Variants in GTPBP10 observed in about 807,000 individuals in gnomAD.
GTPBP10 encodes GTP binding protein 10, also known as GTP-binding protein 10.
A neutral mutation model predicts 44.8 loss-of-function variants in GTPBP10; 38 were observed. The ratio of observed to expected loss-of-function variants is 0.85; its 90% CI spans 0.65 to 1.11. The LOEUF is 1.11. Ranked by LOEUF, GTPBP10 falls within the 50% of genes most tolerant of loss-of-function variation. The probability of loss-of-function intolerance (pLI) is 0.00; values close to 1 mark genes in which losing one functional copy is unlikely to be tolerated. For synonymous variants in GTPBP10, 152 were observed against 150.6 expected (o/e 1.01, Z -0.07); for missense variants, 462 against 453.7 (o/e 1.02, Z -0.17).
At chr7:90,379,115 T>C (rs948658898) in intron 8 of GTPBP10, among the ~76,000 whole-genome samples, 5 of 152,190 alleles carry the variant, frequency 3.3e-5, no homozygotes, top group Admixed American at 3.3e-4. Context: ...TTTTCGGCCA[T>C]CCCCATAACT....
At chr7:90,358,055 C>T (rs943518117) in intron 4 of GTPBP10, among the ~76,000 whole-genome samples, 1 of 152,122 alleles carries the variant, frequency 6.6e-6, no homozygotes, top group Non-Finnish European at 1.5e-5. Flanking sequence ...CTTCAAAAGA[C>T]TCCTAGATTT....
In GTPBP10 at chr7:90,354,555, T is replaced by C. The variant is rs1486758529; in HGVS notation, c.319+6T>C. On this transcript the variant is annotated splice_donor_region_variant and intron_variant, in intron 3 of 9. Transcript: ENST00000222511. ...TGAAAATGGTAAAATTATAGGTGAG[T>C]GTACTATAACTCCAAAAGTTGTAAA... 2.1e-6 allele frequency: 3 copies of C among 1,462,094 alleles called. No individual in the cohort carries two copies. Among genetic ancestry groups the C allele is most frequent in the African/African-American group, 1.4e-5 (1 of 70,148 alleles). 90.6% of individuals were successfully genotyped at this position (1,462,094 alleles called of 1,614,324 possible). A position where few individuals can be genotyped will look rare whatever the true frequency, so the allele number is the denominator to read the frequency against.
chr7:90,352,193 G>A (rs1234137429), intron 1 of GTPBP10, among the ~76,000 whole-genome samples: 1 of 152,238 alleles, frequency 6.6e-6, no homozygotes, highest in African/African-American at 2.4e-5. Context: ...TTTGGGAAAA[G>A]AAGCAGGTGT....
Position 90,355,353 on chromosome 7 carries a change from A to G in GTPBP10, c.464+123A>G, listed in dbSNP as rs17866942. The stretch of plus-strand genomic sequence containing the variant: ...AATTTATGGAATTTGTGTGTTGTGT[A>G]TGTACTTGGAAAATATGCTGCTAAA... On this transcript the variant is annotated intron_variant, in intron 4 of 9. Coordinates refer to ENST00000222511, the MANE Select transcript of GTPBP10 (RefSeq NM_033107.4). The G allele has an allele frequency of 5.5e-3, 3,296 of 602,126 alleles. 73 individuals are homozygous for G. The highest frequency in any genetic ancestry group is 0.052 in the African/African-American group (2,723 of 52,522). 37.3% of individuals were successfully genotyped at this position (602,126 alleles called of 1,614,324 possible).
rs778468763 is a variant in GTPBP10, at chr7:90,352,959, A to C, written c.177A>C (p.Lys59Asn). Residue 59 changes from lysine (K) to asparagine (N), a missense_variant, in exon 2 of 10, where the codon AAA becomes AAC. Physicochemically the swap from Lys to Asn is moderately conservative, Grantham distance 94 (BLOSUM62 0). Coordinates refer to ENST00000222511, the MANE Select transcript of GTPBP10 (RefSeq NM_033107.4). ...AQNRMTLKQL[K>N]DRYPRKRFVA... ...ACAGAATGACTTTAAAACAACTTAA[A>C]GACAGGTATCCTCGGAAACGGTTTG... 2 of 1,613,330 alleles carry C rather than the reference A, an allele frequency of 1.2e-6. No homozygotes were observed. Among genetic ancestry groups the C allele is most frequent in the Non-Finnish European group, 1.7e-6 (2 of 1,179,558 alleles).
intron 1 of GTPBP10, chr7:90,347,661 G>A (rs1795704552): frequency 5.9e-6 from 1 of 170,682 alleles, no homozygotes; most frequent in African/African-American, 2.4e-5. Context: ...TTTAGTGAAG[G>A]AAACAGGTAA....
intron 8 of GTPBP10, 155 bp downstream of exon 8, chr7:90,378,366 A>G (rs1020008149): frequency 1.5e-6 from 1 of 649,438 alleles, no homozygotes; most frequent in Non-Finnish European, 1.9e-6. Flanking sequence ...CATTTCCTCT[A>G]CATTCATTTG....
At chr7:90,377,659 C>T (rs1796363859) in intron 7 of GTPBP10, 45 bp downstream of exon 7, 2 of 1,280,406 alleles carry the variant, frequency 1.6e-6, no homozygotes, top group Admixed American at 2.2e-5. Context: ...AAATTGAAAA[C>T]CAGTGAATTT....
At chr7:90,377,778 A>G (rs1409473982) in intron 7 of GTPBP10, among the ~76,000 whole-genome samples, 164 bp downstream of exon 7, 3 of 152,156 alleles carry the variant, frequency 2.0e-5, no homozygotes, top group African/African-American at 7.2e-5. Context: ...ATCATATGTA[A>G]GTTTGGCCAT....
At position 90,391,338 on chromosome 7, in the gene GTPBP10, T is replaced by C. The variant is rs1044135638; in HGVS notation, c.*6184T>C. ...ATAGTACCAAACCCTATATATATTA[T>C]GTTTTTTTCTATATATACACAGCTA... On this transcript the variant is annotated 3_prime_UTR_variant, in exon 10 of 10. Coordinates refer to ENST00000222511, the MANE Select transcript of GTPBP10 (RefSeq NM_033107.4). 1 of 152,140 alleles carries C rather than the reference T, an allele frequency of 6.6e-6. No homozygotes were observed. Among genetic ancestry groups the C allele is most frequent in the African/African-American group, 2.4e-5 (1 of 41,428 alleles). The allele number at this position is 152,140 out of a possible 1,614,324, so 9.4% of individuals were successfully genotyped here.
rs1795964936 is a variant in GTPBP10, at chr7:90,359,193, C to T, written c.464+3963C>T. ...GCTTTAAGTTCTAGGGTATGCACAA[C>T]ATGCAGCTTTCTTACATAGGTATAC... On this transcript the variant is annotated intron_variant, in intron 4 of 9. Transcript: ENST00000222511. Among the ~76,000 whole-genome samples, 3 of 151,810 alleles carry T rather than the reference C, an allele frequency of 2.0e-5. No homozygotes were observed. In the South Asian group the frequency reaches 6.3e-4, roughly 32 times the overall value.
In GTPBP10 at chr7:90,382,984, A is replaced by G; in HGVS notation, c.806A>G (p.Gln269Arg). Residue 269 changes from glutamine to arginine, a missense_variant, in exon 9 of 10, where the codon CAG becomes CGG. Physicochemically the swap from Gln to Arg is conservative, Grantham distance 43. Transcript: ENST00000222511. ...TTGGAATTGTACAAAGAGGAACTTC[A>G]GACAAAACCTGCACTCTTGGCAGTT... ...KELELYKEEL[Q>R]TKPALLAVNK... The G allele has an allele frequency of 6.3e-7, 1 of 1,584,236 alleles. No homozygotes were observed. Among genetic ancestry groups the G allele is most frequent in the Non-Finnish European group, 8.6e-7 (1 of 1,161,204 alleles).
intron 6 of GTPBP10, among the ~76,000 whole-genome samples, chr7:90,377,045 G>A (rs368593310): frequency 5.9e-5 from 9 of 152,238 alleles, no homozygotes; most frequent in Non-Finnish European, 1.2e-4. Flanking sequence ...GCAAGATAGC[G>A]AGACCCTGTC....
At chr7:90,362,019 C>G (rs1389498203) in intron 4 of GTPBP10, among the ~76,000 whole-genome samples, 1 of 152,128 alleles carries the variant, frequency 6.6e-6, no homozygotes, top group Non-Finnish European at 1.5e-5. Context: ...ATTCTTCTCT[C>G]TTTTCCTCTT....
At chr7:90,370,654 A>T (rs1156546101) in intron 4 of GTPBP10, among the ~76,000 whole-genome samples, 1 of 152,156 alleles carries the variant, frequency 6.6e-6, no homozygotes, top group East Asian at 1.9e-4. Flanking sequence ...CAATGTATCC[A>T]TGTAACAACA....
chr7:90,350,679 A>G (rs1795774715), intron 1 of GTPBP10, among the ~76,000 whole-genome samples: 1 of 152,246 alleles, frequency 6.6e-6, no homozygotes, highest in Non-Finnish European at 1.5e-5. Context: ...AATACAAGAT[A>G]AAAAGTTAAT....
At chr7:90,383,364 A>C (rs974525974) in intron 9 of GTPBP10, among the ~76,000 whole-genome samples, 5 of 152,216 alleles carry the variant, frequency 3.3e-5, no homozygotes, top group African/African-American at 1.2e-4. Context: ...CATATGTGGG[A>C]TTTGAATAAA....
Position 90,346,721 on chromosome 7 carries a change from G to A in GTPBP10, c.-21G>A, listed in dbSNP as rs771950824. 1.9e-6 allele frequency: 3 copies of A among 1,614,118 alleles called. No individual in the cohort carries two copies. Among genetic ancestry groups the A allele is most frequent in the East Asian group, 4.5e-5 (2 of 44,898 alleles). On this transcript the variant is annotated 5_prime_UTR_variant, in exon 1 of 10. Transcript: ENST00000222511. Reference sequence around the variant, plus strand: ...CGGCTTGTGCCGCTTCCGCAAGAAGGTTTCCTGGCCTGTTGCAGCCATGGT... The same window carrying A: ...CGGCTTGTGCCGCTTCCGCAAGAAGATTTCCTGGCCTGTTGCAGCCATGGT...
At chr7:90,357,885 G>C (rs1795936425) in intron 4 of GTPBP10, among the ~76,000 whole-genome samples, 1 of 152,004 alleles carries the variant, frequency 6.6e-6, no homozygotes, top group Non-Finnish European at 1.5e-5. Flanking sequence ...TCTTCATGTA[G>C]ACATTTATTC....
Sources: allele counts gnomAD v4.1 joint callset (sites outside exome capture counted in the v4.1 genomes callset), GRCh38; gene constraint gnomAD v4.1.1; transcripts MANE v1.5; gene names NCBI Gene and HGNC (gene_info 2026-07-23, HGNC 2026-07-21).